Variants in SLC29A1 observed in about 807,000 individuals in gnomAD.
The protein encoded by SLC29A1 is solute carrier family 29 member 1 (Augustine blood group), also known as equilibrative nucleoside transporter 1.
SLC29A1 carries 22 observed loss-of-function variants against 48.3 expected under a neutral mutation model. The ratio of observed to expected loss-of-function variants is 0.46; its 90% CI spans 0.33 to 0.65. SLC29A1 has a LOEUF of 0.65. Among genes scored for constraint, SLC29A1 ranks in the 30% least tolerant of loss-of-function variants. SLC29A1 has a pLI of 0.03. For synonymous variants in SLC29A1, 228 were observed against 231.0 expected (o/e 0.99, Z 0.12); for missense variants, 491 against 575.3 (o/e 0.85, Z 1.50).
chr6:44,222,138 G>C (rs1165070587), upstream of SLC29A1, among the ~76,000 whole-genome samples: 1 of 152,094 alleles, frequency 6.6e-6, no homozygotes, highest in Non-Finnish European at 1.5e-5. Context: ...CAAACATGAG[G>C]GCAGGAATTA....
chr6:44,230,284 C>A (rs964633257), intron 5 of SLC29A1, 63 bp from the exon 6 acceptor site: 3 of 1,580,286 alleles, frequency 1.9e-6, no homozygotes, highest in South Asian at 1.2e-5. Context: ...AGGGATCTGT[C>A]TTCTTGGGCA....
At chr6:44,221,970 G>A (rs1317540964), upstream of SLC29A1, among the ~76,000 whole-genome samples, 1 of 152,158 alleles carries the variant, frequency 6.6e-6, no homozygotes, top group African/African-American at 2.4e-5. This position sits in a 1 kb window ranked among gnomAD's most constrained non-coding sequence, Gnocchi z 4.2. Context: ...CACAACTGCA[G>A]CCACTGGCCA....
chr6:44,226,942 T>G (rs1262626593), intron 1 of SLC29A1: 1 of 1,088,804 alleles, frequency 9.2e-7, no homozygotes, highest in African/African-American at 1.6e-5. Context: ...TCTTTCCTCC[T>G]CCTTCCCTCC....
Position 44,229,918 on chromosome 6 carries a change from C to T in SLC29A1, c.326C>T (p.Ser109Phe), listed in dbSNP as rs768944290. The T allele has an allele frequency of 1.5e-5, 25 of 1,613,246 alleles. No homozygotes were observed. In the South Asian group the frequency reaches 2.6e-4, roughly 17 times the overall value. ...NSFLHQRIPQSVRILGSLVAI... is the reference protein window; with the variant it reads ...NSFLHQRIPQFVRILGSLVAI... ...GCCTCTCCCGGCAGGATCCCCCAGT[C>T]CGTACGGATCCTGGGCAGCCTGGTG... The change falls in exon 5 of 13, where the codon TCC becomes TTC. Residue 109 changes from serine to phenylalanine, a missense_variant. Physicochemically the swap from Ser to Phe is radical, Grantham distance 155. Transcript: ENST00000371755. The surrounding 1 kb of genome is among the most constrained non-coding windows in gnomAD (Gnocchi z 5.1).
intron 1 of SLC29A1, among the ~76,000 whole-genome samples, chr6:44,224,246 C>A (rs759385434): frequency 1.3e-5 from 2 of 151,820 alleles, no homozygotes; most frequent in Non-Finnish European, 2.9e-5. Context: ...TCCAACCCTG[C>A]CCTCACACCT....
rs1258329125 is a variant in SLC29A1, at chr6:44,230,925, G to A, written c.766+36G>A. On this transcript the variant is annotated intron_variant, in intron 8 of 12. Coordinates refer to ENST00000371755, the MANE Select transcript of SLC29A1 (RefSeq NM_001372327.1). ...CCTGAGGAAGCTGGGGTGGAGGATG[G>A]TATACCAGGCGGGGGATAGCATGAG... 6 of 1,501,436 alleles carry A rather than the reference G, an allele frequency of 4.0e-6. No individual in the cohort carries two copies. The East Asian group carries it at 9.0e-5, about 23-fold the overall frequency. 93.0% of individuals were successfully genotyped at this position (1,501,436 alleles called of 1,614,324 possible). A position where few individuals can be genotyped will look rare whatever the true frequency, so the allele number is the denominator to read the frequency against.
intron 12 of SLC29A1, 40 bp downstream of exon 12, chr6:44,233,046 G>T (rs748500899): frequency 5.0e-6 from 8 of 1,591,112 alleles, no homozygotes; most frequent in Non-Finnish European, 6.9e-6. Context: ...CATCAGACAG[G>T]ATCTAGAGTT....
At chr6:44,226,605 A>T in intron 1 of SLC29A1, 2 of 298,074 alleles carry the variant, frequency 6.7e-6, no homozygotes, top group Non-Finnish European at 5.0e-6. Context: ...AAGAAAGGTT[A>T]AGGTGCCAAC....
At chr6:44,227,363 C>CTG in intron 2 of SLC29A1, 21 bp downstream of exon 2, 2 of 1,601,590 alleles carry the variant, frequency 1.2e-6, no homozygotes, top group Non-Finnish European at 1.7e-6. Flanking sequence ...AGGGGCTGGG[C>CTG]TGTGGATCCA....
rs72555353 is a variant in SLC29A1, at chr6:44,229,719, A to C, written c.242A>C (p.Asn81Thr). The part of the protein sequence containing the change: ...PERNSLSAIF[N>T]NVMTLCAMLP... ...CGGAACTCTCTCAGTGCCATCTTCAACAATGTCATGACCCTATGTGCCATG... is the reference window on the plus strand; with the variant it reads ...CGGAACTCTCTCAGTGCCATCTTCACCAATGTCATGACCCTATGTGCCATG... Residue 81 changes from asparagine to threonine, a missense_variant, in exon 4 of 13, where the codon AAC (asparagine) becomes ACC (threonine). Transcript: ENST00000371755. This position sits in a 1 kb window ranked among gnomAD's most constrained non-coding sequence, Gnocchi z 5.1. 53 of 1,613,896 alleles carry C rather than the reference A, an allele frequency of 3.3e-5. No homozygotes were observed. Among genetic ancestry groups the C allele is most frequent in the Non-Finnish European group, 4.2e-5 (49 of 1,180,046 alleles).
At chr6:44,221,951 C>T (rs1037140431), upstream of SLC29A1, among the ~76,000 whole-genome samples, 23 of 152,190 alleles carry the variant, frequency 1.5e-4, no homozygotes, top group African/African-American at 5.3e-4. This position sits in a 1 kb window ranked among gnomAD's most constrained non-coding sequence, Gnocchi z 4.2. Context: ...ACCTCCAGCC[C>T]CCTCTGTACA....
chr6:44,227,527 G>A (rs1305664338), intron 2 of SLC29A1, among the ~76,000 whole-genome samples, 185 bp downstream of exon 2: 1 of 152,118 alleles, frequency 6.6e-6, no homozygotes, highest in Non-Finnish European at 1.5e-5. Flanking sequence ...GGTGTCTGCG[G>A]GAAGGGCAGG....
intron 2 of SLC29A1, among the ~76,000 whole-genome samples, chr6:44,228,376 G>T (rs1778044518): frequency 6.6e-6 from 1 of 152,244 alleles, no homozygotes; most frequent in South Asian, 2.1e-4. Flanking sequence ...TCCGAACCAA[G>T]CCTTTAGCTT....
rs1779167857 is a variant in SLC29A1 at position 44,232,721 on chromosome 6, T to A, written c.1060-86T>A. ...CCAGGCTTTGAGGTTTCAGTTCAGA[T>A]CCTGAGGGGCCCCAGATGGATCCTT... On this transcript the variant is annotated intron_variant, in intron 11 of 12. Coordinates refer to ENST00000371755, the MANE Select transcript of SLC29A1 (RefSeq NM_001372327.1). This position sits in a 1 kb window ranked among gnomAD's most constrained non-coding sequence, Gnocchi z 4.7. The A allele has an allele frequency of 1.5e-6, 2 of 1,326,784 alleles. No homozygotes were observed. The highest frequency in any genetic ancestry group is 2.9e-5 in the African/African-American group (2 of 69,302). 82.2% of individuals were successfully genotyped at this position (1,326,784 alleles called of 1,614,324 possible). A position where few individuals can be genotyped will look rare whatever the true frequency, so the allele number is the denominator to read the frequency against.
intron 1 of SLC29A1, 71 bp from the exon 2 acceptor site, chr6:44,227,192 T>TC (rs1777751718): frequency 6.7e-7 from 1 of 1,483,816 alleles, no homozygotes; most frequent in South Asian, 1.2e-5. Context: ...CTGCCCCCTC[T>TC]CCCCCTAAGA....
At chr6:44,220,663 A>C (rs76689804), upstream of SLC29A1, among the ~76,000 whole-genome samples, 27 of 149,210 alleles carry the variant, frequency 1.8e-4, no homozygotes, top group Non-Finnish European at 2.2e-4. Flanking sequence ...AAAAAAAAAA[A>C]AAAATACAAA....
intron 12 of SLC29A1, 67 bp from the exon 13 acceptor site, chr6:44,233,350 C>A: frequency 7.4e-7 from 1 of 1,344,906 alleles, no homozygotes; most frequent in Non-Finnish European, 1.1e-6. Context: ...ACCCCTCCTT[C>A]CACCCAGAGG....
chr6:44,229,435 G>A lies in SLC29A1; in HGVS notation c.75G>A (p.Thr25=), dbSNP rs753550707. ...WLIFFMLGLG[T]LLPWNFFMTA... ...TCTTCTTCATGCTGGGTCTGGGAAC[G>A]CTGCTCCCGTGGAATTTTTTCATGA... The change falls in exon 3 of 13, where the codon ACG becomes ACA. Residue 25 remains threonine (T), a synonymous_variant. Coordinates refer to ENST00000371755, the MANE Select transcript of SLC29A1 (RefSeq NM_001372327.1). This position sits in a 1 kb window ranked among gnomAD's most constrained non-coding sequence, Gnocchi z 5.1. The A allele has an allele frequency of 8.1e-6, 13 of 1,614,000 alleles. No homozygotes were observed. The highest frequency in any genetic ancestry group is 1.3e-5 in the African/African-American group (1 of 74,902).
chr6:44,232,264 A>G lies in SLC29A1; in HGVS notation c.974-79A>G. The G allele has an allele frequency of 8.4e-7, 1 of 1,184,740 alleles. No individual in the cohort carries two copies. Among genetic ancestry groups the G allele is most frequent in the Non-Finnish European group, 1.3e-6 (1 of 788,860 alleles). 73.4% of individuals were successfully genotyped at this position (1,184,740 alleles called of 1,614,324 possible). On this transcript the variant is annotated intron_variant, in intron 10 of 12. Coordinates refer to ENST00000371755, the MANE Select transcript of SLC29A1 (RefSeq NM_001372327.1). This position sits in a 1 kb window ranked among gnomAD's most constrained non-coding sequence, Gnocchi z 4.7. The stretch of plus-strand genomic sequence containing the variant: ...ATCTTCTCCATTTTACTGTTGGGGA[A>G]GCTGAGGCCCAGTGAAGGTTAGGCT...
Sources: allele counts gnomAD v4.1 joint callset (sites outside exome capture counted in the v4.1 genomes callset), GRCh38; gene constraint gnomAD v4.1.1; non-coding constraint Gnocchi (gnomAD v3.1); transcripts MANE v1.5; gene names NCBI Gene and HGNC (gene_info 2026-07-23, HGNC 2026-07-21).